LOC102723971: variants seen among roughly 807,000 people sequenced by gnomAD.
chr9:135,615,274 C>T, the LOC102723971 span: 9 of 394,326 alleles, frequency 2.3e-5, no homozygotes, highest in Admixed American at 4.4e-5. Flanking sequence ...CGGCCTCTCC[C>T]GACCCGGCCC....
the LOC102723971 span, among the ~76,000 whole-genome samples, chr9:135,617,756 C>T: frequency 8.5e-5 from 13 of 152,122 alleles, no homozygotes; most frequent in African/African-American, 1.2e-4. Context: ...CAGAGCTGGC[C>T]GGGCCTGGGA....
At chr9:135,617,831 T>G in the LOC102723971 span, 1 of 396,200 alleles carries the variant, frequency 2.5e-6, no homozygotes, top group Non-Finnish European at 4.4e-6. Context: ...AACTTAGTGG[T>G]GGGGTGGCCG....
At chr9:135,616,138 G>C in the LOC102723971 span, among the ~76,000 whole-genome samples, 1 of 152,160 alleles carries the variant, frequency 6.6e-6, no homozygotes, top group South Asian at 2.1e-4. Flanking sequence ...AGTGAGGGGG[G>C]CTCTGTCTAT....
At chr9:135,616,946 C>T in the LOC102723971 span, 4 of 398,426 alleles carry the variant, frequency 1.0e-5, no homozygotes, top group East Asian at 3.6e-5. Context: ...TCGTCAGCAC[C>T]GACTACAGCA....
At chr9:135,614,195 G>A in the LOC102723971 span, 20 of 398,452 alleles carry the variant, frequency 5.0e-5, no homozygotes, top group Non-Finnish European at 8.8e-5. Context: ...TCCGGGCAGC[G>A]CAGAGGAGGG....
the LOC102723971 span, among the ~76,000 whole-genome samples, chr9:135,617,562 C>A: frequency 6.6e-6 from 1 of 151,916 alleles, no homozygotes; most frequent in Non-Finnish European, 1.5e-5. Flanking sequence ...CAGCAGCAGC[C>A]GAGAGGCCCC....
At chr9:135,615,700 G>A in the LOC102723971 span, among the ~76,000 whole-genome samples, 5 of 152,240 alleles carry the variant, frequency 3.3e-5, no homozygotes, top group African/African-American at 1.2e-4. Flanking sequence ...GCAACGTCCA[G>A]TCCCAGCAGA....
chr9:135,618,149 G>C, the LOC102723971 span: 177 of 396,036 alleles, frequency 4.5e-4, 1 homozygote, highest in African/African-American at 3.4e-3. Context: ...TAGCCCATCC[G>C]CACTCCCCTT....
the LOC102723971 span, chr9:135,619,009 C>T: frequency 5.0e-6 from 2 of 403,170 alleles, no homozygotes; most frequent in Non-Finnish European, 8.8e-6. Context: ...CCTCTGCTGC[C>T]CTCAGCCTCC....
chr9:135,619,435 G>A, the LOC102723971 span, among the ~76,000 whole-genome samples: 9 of 151,996 alleles, frequency 5.9e-5, no homozygotes, highest in African/African-American at 1.5e-4. Flanking sequence ...ATGACCCCAC[G>A]GAGGCTGTTC....
At chr9:135,615,111 C>T in the LOC102723971 span, among the ~76,000 whole-genome samples, 2 of 152,204 alleles carry the variant, frequency 1.3e-5, no homozygotes, top group East Asian at 1.9e-4. Flanking sequence ...GGGAGGGGCA[C>T]GACCACCTGC....
the LOC102723971 span, chr9:135,617,858 C>T: frequency 7.6e-6 from 3 of 397,310 alleles, no homozygotes; most frequent in Non-Finnish European, 8.9e-6. Flanking sequence ...AGGGCCTCTG[C>T]CTCCCCGTTG....
chr9:135,616,851 G>A, the LOC102723971 span: 89,020 of 398,278 alleles, frequency 0.22, 10,583 homozygotes, highest in African/African-American at 0.28. Context: ...GGGGGTCCAG[G>A]GCCTGGGGGA....
chr9:135,617,874 C>T, the LOC102723971 span: 9 of 397,888 alleles, frequency 2.3e-5, no homozygotes, highest in African/African-American at 6.2e-5. Flanking sequence ...CGTTGTTCTC[C>T]GCAGAGGAGG....
the LOC102723971 span, chr9:135,616,589 G>T: frequency 2.5e-6 from 1 of 398,786 alleles, no homozygotes; most frequent in Non-Finnish European, 4.4e-6. Context: ...TTTCCCAGGG[G>T]AGAAGGGGTG....
the LOC102723971 span, chr9:135,616,705 G>A: frequency 5.5e-4 from 219 of 398,734 alleles, 1 homozygote; most frequent in African/African-American, 4.3e-3. Context: ...TGAGTGGGGA[G>A]GGGCGAGCAA....
At chr9:135,617,567 G>A in the LOC102723971 span, among the ~76,000 whole-genome samples, 1 of 152,178 alleles carries the variant, frequency 6.6e-6, no homozygotes, top group Non-Finnish European at 1.5e-5. Context: ...GCAGCCGAGA[G>A]GCCCCAGGGC....
At chr9:135,619,606 C>T in the LOC102723971 span, among the ~76,000 whole-genome samples, 1 of 152,138 alleles carries the variant, frequency 6.6e-6, no homozygotes, top group African/African-American at 2.4e-5. Context: ...CTGCAGAAGC[C>T]CAGCGGGGCT....
the LOC102723971 span, among the ~76,000 whole-genome samples, chr9:135,619,655 G>A: frequency 1.3e-5 from 2 of 152,246 alleles, no homozygotes; most frequent in East Asian, 3.9e-4. Flanking sequence ...TGTGGCAGGT[G>A]AGACCAGCCA....
Sources: gnomAD v4.1 joint callset for allele counts (sites outside exome capture counted in the v4.1 genomes callset) on GRCh38, gnomAD v4.1.1 for gene constraint, MANE v1.5 for transcripts.